Variants in ADARB1 observed in about 807,000 individuals in gnomAD.
ADARB1 encodes the protein double-stranded RNA-specific editase 1.
A neutral mutation model predicts 52.4 loss-of-function variants in ADARB1; 10 were observed. The ratio of observed to expected loss-of-function variants is 0.19; its 90% CI spans 0.12 to 0.32. The LOEUF (loss-of-function observed/expected upper bound fraction) is 0.32. Among genes scored for constraint, ADARB1 ranks in the 10% least tolerant of loss-of-function variants. The pLI, the probability that ADARB1 is intolerant of heterozygous loss-of-function variation, is 1.00. For synonymous variants in ADARB1, 349 were observed against 371.1 expected, an observed-to-expected ratio of 0.94 and a Z score of 0.68; for missense variants, 643 against 922.3, an observed-to-expected ratio of 0.70 and a Z score of 3.92.
chr21:45,131,608 G>C (rs570995156), intron 2 of ADARB1, among the ~76,000 whole-genome samples: 4 of 152,176 alleles, frequency 2.6e-5, no homozygotes, highest in African/African-American at 9.7e-5. Context: ...TGCTACCACC[G>C]GGCATCGCTG....
At chr21:45,090,398 G>C (rs2086514895) in intron 1 of ADARB1, among the ~76,000 whole-genome samples, 2 of 151,976 alleles carry the variant, frequency 1.3e-5, no homozygotes, top group African/African-American at 4.8e-5. Context: ...TAGCTACATA[G>C]TGGTATAAGT....
At chr21:45,134,269 TGGTGTGTGCACCCGACGGG>T (rs1569048845) in intron 2 of ADARB1, among the ~76,000 whole-genome samples, 127 of 70,166 alleles carry the variant, frequency 1.8e-3, no homozygotes, top group East Asian at 2.7e-3. Context: ...TGCCCGACAG[TGGTGTGTGCACCCGACGGG>T]GGTGTGTGCC....
At chr21:45,162,091 A>G (rs1341254950) in intron 2 of ADARB1, among the ~76,000 whole-genome samples, 5 of 152,132 alleles carry the variant, frequency 3.3e-5, no homozygotes, top group Admixed American at 6.5e-5. Context: ...TGTTTGCCAC[A>G]TTGCAGGCAA....
Position 45,183,398 on chromosome 21 carries a change from A to G in ADARB1, c.1284A>G (p.Lys428=), listed in dbSNP as rs142574659. The G allele has an allele frequency of 8.8e-5, 142 of 1,605,230 alleles. No homozygotes were observed. The highest frequency in any genetic ancestry group is 1.3e-5 in the Non-Finnish European group (15 of 1,177,714). Residue 428 remains lysine, a synonymous_variant, in exon 7 of 11, where the codon AAA becomes AAG. Transcript: ENST00000348831. ...KDDQKRSIFQ[K]SERGGFRLKE... ...ATCAAAAAAGATCCATCTTTCAGAA[A>G]TCAGAGCGAGGGGGGTTTAGGCTGA...
At position 45,186,894 on chromosome 21, in the gene ADARB1, T is replaced by A. The variant is rs537949399; in HGVS notation, c.1565+1803T>A. On this transcript the variant is annotated intron_variant, in intron 8 of 10. Transcript: ENST00000348831. ...TGTCTGTTCTATTCCATATGTCTAT[T>A]CTTTATGCCAGTGTCATGCTGTTTT... Among the ~76,000 whole-genome samples, 523 of 152,342 alleles carry A rather than the reference T, an allele frequency of 3.4e-3. 6 individuals are homozygous for A. The highest frequency in any genetic ancestry group is 0.012 in the African/African-American group (509 of 41,570).
chr21:45,184,643 G>T, intron 7 of ADARB1: 1 of 330,884 alleles, frequency 3.0e-6, no homozygotes, highest in Non-Finnish European at 5.9e-6. Context: ...TAGAGATGGG[G>T]TTTCACCATG....
intron 1 of ADARB1, among the ~76,000 whole-genome samples, chr21:45,102,769 C>G (rs2087077758): frequency 6.6e-6 from 1 of 152,226 alleles, no homozygotes; most frequent in African/African-American, 2.4e-5. Flanking sequence ...GACAAAGCTC[C>G]TTTTCCAGCA....
chr21:45,225,279 C>G lies in ADARB1; in HGVS notation c.*3082C>G, dbSNP rs1030702968. Reference sequence around the variant, plus strand: ...CCTTCCTCAGCTCTCATCACCTGGTCGTACGCCAGGCCCACCTCTTCCCAG... The same window carrying G: ...CCTTCCTCAGCTCTCATCACCTGGTGGTACGCCAGGCCCACCTCTTCCCAG... On this transcript the variant is annotated 3_prime_UTR_variant, in exon 11 of 11. Coordinates refer to ENST00000348831, the MANE Select transcript of ADARB1 (RefSeq NM_001112.4). 43 of 1,162,332 alleles carry G rather than the reference C, an allele frequency of 3.7e-5. No individual in the cohort carries two copies. The highest frequency in any genetic ancestry group is 4.6e-5 in the Non-Finnish European group (43 of 944,220). The allele number at this position is 1,162,332 out of a possible 1,614,324, so 72.0% of individuals were successfully genotyped here.
chr21:45,131,578 C>G (rs2088937835), intron 2 of ADARB1, among the ~76,000 whole-genome samples: 2 of 152,238 alleles, frequency 1.3e-5, no homozygotes, highest in Admixed American at 6.5e-5. Context: ...GCCTACGCCA[C>G]TTCTCATGTT....
At chr21:45,185,352 A>G (rs1165898905) in intron 8 of ADARB1, among the ~76,000 whole-genome samples, 1 of 152,216 alleles carries the variant, frequency 6.6e-6, no homozygotes, top group Non-Finnish European at 1.5e-5. Flanking sequence ...CTTATTTTTA[A>G]CGTGGGCTTC....
At chr21:45,218,632 G>T (rs1363455607) in intron 9 of ADARB1, among the ~76,000 whole-genome samples, 1 of 152,204 alleles carries the variant, frequency 6.6e-6, no homozygotes, top group Non-Finnish European at 1.5e-5. Context: ...TCTCAATTCA[G>T]GGGATCTGCT....
intron 2 of ADARB1, among the ~76,000 whole-genome samples, chr21:45,134,474 G>T (rs1392823988): frequency 6.6e-6 from 1 of 151,776 alleles, no homozygotes; most frequent in Non-Finnish European, 1.5e-5. Context: ...GTGTGTGAGC[G>T]CCCGGCAGGG....
chr21:45,217,345 CCTT>C (rs2092882824), intron 9 of ADARB1, among the ~76,000 whole-genome samples: 1 of 151,892 alleles, frequency 6.6e-6, no homozygotes, highest in Non-Finnish European at 1.5e-5. Context: ...CATTTTGACT[CCTT>C]CTTGACTTTT....
At chr21:45,107,890 A>T (rs1029820044) in intron 1 of ADARB1, among the ~76,000 whole-genome samples, 1 of 152,156 alleles carries the variant, frequency 6.6e-6, no homozygotes, top group African/African-American at 2.4e-5. Context: ...GGCAAAACCT[A>T]TTTTTACAAA....
At chr21:45,111,985 C>T (rs772039934) in intron 1 of ADARB1, among the ~76,000 whole-genome samples, 20 of 152,320 alleles carry the variant, frequency 1.3e-4, no homozygotes, top group Admixed American at 2.6e-4. Flanking sequence ...CATGTGGCAT[C>T]AACTGCTTTG....
intron 2 of ADARB1, among the ~76,000 whole-genome samples, chr21:45,140,920 G>A (rs554534131): frequency 9.2e-5 from 14 of 152,282 alleles, no homozygotes; most frequent in Middle Eastern, 6.8e-3. Flanking sequence ...GCCAGGTGTG[G>A]TGCTCAAGCC....
At position 45,138,884 on chromosome 21, in the gene ADARB1, G is replaced by A. The variant is rs149185615; in HGVS notation, c.-48+10311G>A. Among the ~76,000 whole-genome samples, 958 of 152,034 alleles carry A rather than the reference G, an allele frequency of 6.3e-3. 8 individuals are homozygous for A. Among genetic ancestry groups the A allele is most frequent in the Middle Eastern group, 0.017 (5 of 294 alleles). Reference sequence around the variant, plus strand: ...CTTATCTGGCCCTCAGCTCCTCGGTGGTGTCAGTTTGTCTGACCTCTGTCA... The same window carrying A: ...CTTATCTGGCCCTCAGCTCCTCGGTAGTGTCAGTTTGTCTGACCTCTGTCA... On this transcript the variant is annotated intron_variant, in intron 2 of 10. Coordinates refer to ENST00000348831, the MANE Select transcript of ADARB1 (RefSeq NM_001112.4).
chr21:45,119,728 G>A (rs890947998), intron 1 of ADARB1, among the ~76,000 whole-genome samples: 4 of 152,206 alleles, frequency 2.6e-5, no homozygotes, highest in African/African-American at 9.7e-5. Flanking sequence ...CTATACATCT[G>A]TTTCGAAATA....
intron 2 of ADARB1, among the ~76,000 whole-genome samples, chr21:45,146,487 G>A (rs921724796): frequency 6.6e-6 from 1 of 152,216 alleles, no homozygotes; most frequent in Non-Finnish European, 1.5e-5. Context: ...TGCTAGAGCT[G>A]GCAGGACACA....
Sources: gnomAD v4.1 joint callset for allele counts (sites outside exome capture counted in the v4.1 genomes callset) on GRCh38, gnomAD v4.1.1 for gene constraint, MANE v1.5 for transcripts, NCBI Gene and HGNC (gene_info 2026-07-23, HGNC 2026-07-21) for gene names.